PDE1A: variants seen among roughly 807,000 people sequenced by gnomAD.
The protein encoded by PDE1A is dual specificity calcium/calmodulin-dependent 3',5'-cyclic nucleotide phosphodiesterase 1A.
A neutral mutation model predicts 61.7 loss-of-function variants in PDE1A; 35 were observed. The observed-to-expected ratio is 0.57, with a 90% CI of 0.43 to 0.75. The LOEUF (loss-of-function observed/expected upper bound fraction) is 0.75. Ranked by LOEUF, PDE1A falls within the 30% of genes least tolerant of loss-of-function variation. The pLI, the probability that PDE1A is intolerant of heterozygous loss-of-function variation, is 0.00. For missense variants in PDE1A, 597 were observed against 630.6 expected (o/e 0.95, Z 0.57); for synonymous variants, 232 against 213.2 (o/e 1.09, Z -0.77).
At chr2:182,704,698 C>A in the PDE1A span, among the ~76,000 whole-genome samples, 1 of 152,128 alleles carries the variant, frequency 6.6e-6, no homozygotes, top group Non-Finnish European at 1.5e-5. Flanking sequence ...TACCTTTCTG[C>A]AAATCTCTTA....
the PDE1A span, among the ~76,000 whole-genome samples, chr2:182,613,295 C>T: frequency 6.6e-6 from 1 of 152,140 alleles, no homozygotes; most frequent in Non-Finnish European, 1.5e-5. Flanking sequence ...GGCACGGTGG[C>T]TCACGCCTGT....
chr2:182,428,274 T>C (rs1703739334), upstream of PDE1A, among the ~76,000 whole-genome samples: 1 of 152,140 alleles, frequency 6.6e-6, no homozygotes, highest in Non-Finnish European at 1.5e-5. Flanking sequence ...ATTAATTGAA[T>C]TCTATATTTC....
Position 182,328,486 on chromosome 2 carries a change from G to A in PDE1A, c.54-64072C>T, listed in dbSNP as rs545932335. Among the ~76,000 whole-genome samples the A allele has an allele frequency of 2.6e-4, 39 of 152,088 alleles. 1 individual carries two copies. The South Asian group carries it at 8.2e-3, about 32-fold the overall frequency. Reference sequence around the variant, plus strand: ...GGGAGAGAAATAAAGGTATAGTTCAGGGACATAGTAAAAAAAAGTGGTGAG... The same window carrying A: ...GGGAGAGAAATAAAGGTATAGTTCAAGGACATAGTAAAAAAAAGTGGTGAG... On this transcript the variant is annotated intron_variant, in intron 1 of 13. Coordinates refer to ENST00000351439, the Ensembl canonical transcript of PDE1A.
intron 1 of PDE1A, among the ~76,000 whole-genome samples, chr2:182,394,873 C>T (rs1302338272): frequency 6.6e-6 from 1 of 152,146 alleles, no homozygotes; most frequent in African/African-American, 2.4e-5. Context: ...AACAGTAAAT[C>T]AAAAACAATA....
At chr2:182,236,899 C>T (rs1690064362) in intron 3 of PDE1A, among the ~76,000 whole-genome samples, 1 of 152,124 alleles carries the variant, frequency 6.6e-6, no homozygotes, top group Non-Finnish European at 1.5e-5. Context: ...GCAAAACTTT[C>T]CCATTATCAT....
the PDE1A span, among the ~76,000 whole-genome samples, chr2:182,609,369 T>A: frequency 1.3e-5 from 2 of 152,262 alleles, no homozygotes; most frequent in African/African-American, 4.8e-5. Context: ...CCAGCCAGCC[T>A]GGTAACCCTC....
chr2:182,476,007 A>G (rs1006370499), intron 2 of PDE1A, among the ~76,000 whole-genome samples: 30 of 151,986 alleles, frequency 2.0e-4, no homozygotes, highest in African/African-American at 6.7e-4. Flanking sequence ...AAATGTTTAA[A>G]TTTTTTCTCC....
At chr2:182,645,017 G>A in the PDE1A span, among the ~76,000 whole-genome samples, 6 of 133,358 alleles carry the variant, frequency 4.5e-5, no homozygotes, top group East Asian at 8.5e-4. Context: ...ACTGAGTCTC[G>A]CTCTGTTGCC....
chr2:182,460,848 A>G (rs1686237036), intron 2 of PDE1A, among the ~76,000 whole-genome samples: 1 of 152,128 alleles, frequency 6.6e-6, no homozygotes. Context: ...AGTTTTTGTT[A>G]TTGCTTTTAA....
At chr2:182,204,973 T>G (rs558406180) in intron 8 of PDE1A, among the ~76,000 whole-genome samples, 40 of 152,330 alleles carry the variant, frequency 2.6e-4, no homozygotes, top group African/African-American at 9.4e-4. Context: ...CACAGGAGAT[T>G]TAGGCTTATT....
At chr2:182,221,324 C>T (rs1363187134) in intron 7 of PDE1A, among the ~76,000 whole-genome samples, 1 of 152,078 alleles carries the variant, frequency 6.6e-6, no homozygotes, top group Non-Finnish European at 1.5e-5. Flanking sequence ...TCTTCTCAAA[C>T]CCCTAGAACT....
chr2:182,614,056 C>G, the PDE1A span, among the ~76,000 whole-genome samples: 2 of 152,190 alleles, frequency 1.3e-5, no homozygotes, highest in African/African-American at 4.8e-5. Flanking sequence ...GCCCAAAAGG[C>G]AAGTACATCC....
At chr2:182,436,032 T>C (rs17356166) in intron 2 of PDE1A, among the ~76,000 whole-genome samples, 25,024 of 152,048 alleles carry the variant, frequency 0.16, 2,419 homozygotes, top group Middle Eastern at 0.33. Flanking sequence ...CCACTGACTT[T>C]GCCAGACTTC....
At chr2:182,602,591 T>C in the PDE1A span, among the ~76,000 whole-genome samples, 1 of 152,244 alleles carries the variant, frequency 6.6e-6, no homozygotes, top group Non-Finnish European at 1.5e-5. Flanking sequence ...TATTATCCAA[T>C]TTTAAACTGT....
chr2:182,441,670 G>C (rs1030435696), intron 2 of PDE1A, among the ~76,000 whole-genome samples: 1 of 151,798 alleles, frequency 6.6e-6, no homozygotes, highest in Non-Finnish European at 1.5e-5. Flanking sequence ...TTATATAATA[G>C]GCTGAATCCA....
chr2:182,546,248 T>C, the PDE1A span, among the ~76,000 whole-genome samples: 16 of 152,184 alleles, frequency 1.1e-4, no homozygotes, highest in South Asian at 3.1e-3. Flanking sequence ...TGCATTCCCA[T>C]TGTGCTGTTG....
intron 2 of PDE1A, among the ~76,000 whole-genome samples, chr2:182,452,586 C>T (rs150316372): frequency 9.4e-4 from 143 of 152,162 alleles, no homozygotes; most frequent in African/African-American, 3.3e-3. Context: ...CTTTTTTCTG[C>T]TCAGTGAACA....
chr2:182,243,552 G>GT (rs1690723930), intron 2 of PDE1A, among the ~76,000 whole-genome samples: 1 of 152,126 alleles, frequency 6.6e-6, no homozygotes, highest in Non-Finnish European at 1.5e-5. Context: ...GCAAACATAG[G>GT]TATAAGTAAG....
the PDE1A span, among the ~76,000 whole-genome samples, chr2:182,625,091 GGA>G: frequency 6.6e-6 from 1 of 152,206 alleles, no homozygotes; most frequent in Non-Finnish European, 1.5e-5. Context: ...GAGATTAGAA[GGA>G]GAGACACCAG....
Sources: allele counts gnomAD v4.1 joint callset (sites outside exome capture counted in the v4.1 genomes callset), GRCh38; gene constraint gnomAD v4.1.1; transcripts MANE v1.5; gene names NCBI Gene and HGNC (gene_info 2026-07-23, HGNC 2026-07-21).